The following DIAPH3 variants were observed in gnomAD, a reference collection of about 807,000 sequenced individuals.
DIAPH3 encodes the protein protein diaphanous homolog 3.
Under a neutral mutation model 144.3 loss-of-function variants are expected in DIAPH3, and 117 were observed. That is an observed-to-expected ratio of 0.81 (90% CI 0.70 to 0.95). The LOEUF is 0.95. Among genes scored for constraint, DIAPH3 ranks in the 40% least tolerant of loss-of-function variants. The pLI is 0.00. For missense variants in DIAPH3, 1,421 were observed against 1,412.7 expected, an observed-to-expected ratio of 1.01 and a Z score of -0.09; for synonymous variants, 519 against 488.9, an observed-to-expected ratio of 1.06 and a Z score of -0.81.
chr13:60,098,285 C>T (rs2058167765), intron 3 of DIAPH3, among the ~76,000 whole-genome samples: 1 of 152,016 alleles, frequency 6.6e-6, no homozygotes, highest in Non-Finnish European at 1.5e-5. Context: ...TAAAGGTGGC[C>T]TCTGGTGGAT....
intron 27 of DIAPH3, among the ~76,000 whole-genome samples, chr13:59,741,164 AAT>A: frequency 6.6e-6 from 1 of 151,784 alleles, no homozygotes; most frequent in East Asian, 1.9e-4. Flanking sequence ...AAAGAAAATG[AAT>A]GAGTATAAGG....
At chr13:59,873,560 A>G (rs954594920) in intron 21 of DIAPH3, among the ~76,000 whole-genome samples, 8 of 152,238 alleles carry the variant, frequency 5.3e-5, no homozygotes, top group Non-Finnish European at 1.2e-4. Flanking sequence ...AACTTATTTC[A>G]GTTCCACTAT....
At chr13:59,990,236 A>C (rs1429147495) in intron 12 of DIAPH3, among the ~76,000 whole-genome samples, 1 of 151,682 alleles carries the variant, frequency 6.6e-6, no homozygotes, top group Non-Finnish European at 1.5e-5. Flanking sequence ...ATCCTGAAAA[A>C]CCTAAAGTTT....
At chr13:60,116,738 T>A (rs1328286572) in intron 2 of DIAPH3, among the ~76,000 whole-genome samples, 1 of 152,100 alleles carries the variant, frequency 6.6e-6, no homozygotes, top group Non-Finnish European at 1.5e-5. Flanking sequence ...CACAAGCTAA[T>A]TTGTAAATGC....
chr13:59,802,976 G>A (rs1412697425), intron 25 of DIAPH3, among the ~76,000 whole-genome samples: 4 of 152,014 alleles, frequency 2.6e-5, no homozygotes, highest in South Asian at 2.1e-4. Context: ...GAGCCACCGC[G>A]CCCAGCCGAT....
At chr13:59,714,448 T>C (rs1386502831) in intron 27 of DIAPH3, among the ~76,000 whole-genome samples, 1 of 151,946 alleles carries the variant, frequency 6.6e-6, no homozygotes, top group East Asian at 1.9e-4. Context: ...GGTGGAAGGA[T>C]TGTATGAGCT....
At chr13:59,789,454 T>C (rs183918810) in intron 25 of DIAPH3, among the ~76,000 whole-genome samples, 1 of 152,356 alleles carries the variant, frequency 6.6e-6, no homozygotes, top group East Asian at 1.9e-4. Flanking sequence ...GACTTTTCAA[T>C]GGCTTTTTTC....
chr13:60,042,281 G>A (rs1302758875), intron 5 of DIAPH3, among the ~76,000 whole-genome samples: 1 of 151,962 alleles, frequency 6.6e-6, no homozygotes, highest in Non-Finnish European at 1.5e-5. Context: ...TAACCTATAG[G>A]CCCCTACAAC....
chr13:60,057,500 C>T (rs1351206299), intron 4 of DIAPH3, among the ~76,000 whole-genome samples: 2 of 151,966 alleles, frequency 1.3e-5, no homozygotes, highest in Admixed American at 1.3e-4. Context: ...AATGCAATTC[C>T]TATCGAGATA....
chr13:59,807,214 A>C (rs1313766797), intron 25 of DIAPH3, among the ~76,000 whole-genome samples: 3 of 6,610 alleles, frequency 4.5e-4, no homozygotes, highest in Admixed American at 7.6e-3. Context: ...AGGAAAACTA[A>C]GGACCATCAT....
rs909924424 is a variant in DIAPH3, at chr13:59,753,698, T to C, written c.3319+20491A>G. ...CCTTCCATCCAATTTGTTATAAATA[T>C]ATTTCTTATGCTTATGGATGTTTTA... On this transcript the variant is annotated intron_variant, in intron 27 of 27. Coordinates refer to ENST00000400324, the MANE Select transcript of DIAPH3 (RefSeq NM_001042517.2). Among the ~76,000 whole-genome samples the C allele has an allele frequency of 5.3e-5, 8 of 152,214 alleles. No homozygotes were observed. In the South Asian group the frequency reaches 6.2e-4, roughly 12 times the overall value.
At chr13:59,941,712 G>A (rs938604244) in intron 17 of DIAPH3, among the ~76,000 whole-genome samples, 10 of 152,002 alleles carry the variant, frequency 6.6e-5, no homozygotes, top group Admixed American at 4.6e-4. Context: ...TATTTACTAC[G>A]TTGCACTAGA....
At chr13:60,083,746 T>A (rs573472753) in intron 4 of DIAPH3, among the ~76,000 whole-genome samples, 12 of 151,966 alleles carry the variant, frequency 7.9e-5, no homozygotes, top group Non-Finnish European at 1.3e-4. Flanking sequence ...CAAAAAAAAA[T>A]TTTAAATAAA....
At chr13:59,836,313 A>G (rs1178460440) in intron 23 of DIAPH3, among the ~76,000 whole-genome samples, 1 of 151,856 alleles carries the variant, frequency 6.6e-6, no homozygotes, top group African/African-American at 2.4e-5. Context: ...ATAAAAATTT[A>G]GTAAGTACGT....
At chr13:60,041,505 T>C (rs1432704670) in intron 5 of DIAPH3, among the ~76,000 whole-genome samples, 1 of 152,192 alleles carries the variant, frequency 6.6e-6, no homozygotes, top group Non-Finnish European at 1.5e-5. Context: ...TAAATCTCAC[T>C]CAGTCTCACA....
chr13:60,072,766 C>A (rs931895988), intron 4 of DIAPH3, among the ~76,000 whole-genome samples: 4 of 152,038 alleles, frequency 2.6e-5, no homozygotes, highest in African/African-American at 9.7e-5. Flanking sequence ...AAAGAATGCA[C>A]CTATGTTTAG....
At chr13:59,746,413 G>T (rs1175920303) in intron 27 of DIAPH3, among the ~76,000 whole-genome samples, 2 of 150,306 alleles carry the variant, frequency 1.3e-5, no homozygotes, top group Non-Finnish European at 3.0e-5. Context: ...TTAGTAGATT[G>T]GGTTTCACCA....
intron 17 of DIAPH3, among the ~76,000 whole-genome samples, chr13:59,966,703 C>T (rs547256689): frequency 6.6e-6 from 1 of 152,252 alleles, no homozygotes; most frequent in Admixed American, 6.5e-5. Flanking sequence ...GGATTCAGTT[C>T]CTTTGTTCTT....
chr13:60,001,615 T>C (rs983669134), intron 9 of DIAPH3, among the ~76,000 whole-genome samples: 2 of 152,244 alleles, frequency 1.3e-5, no homozygotes, highest in Non-Finnish European at 2.9e-5. Flanking sequence ...AACAACACTT[T>C]CCTTCCAGGA....
Sources: allele counts gnomAD v4.1 joint callset (sites outside exome capture counted in the v4.1 genomes callset), GRCh38; gene constraint gnomAD v4.1.1; transcripts MANE v1.5; gene names NCBI Gene and HGNC (gene_info 2026-07-23, HGNC 2026-07-21).